The following SNW1 variants were observed in gnomAD, a reference collection of about 807,000 sequenced individuals.
SNW1 encodes SNW domain containing 1.
A neutral mutation model predicts 75.6 loss-of-function variants in SNW1; 9 were observed. The ratio of observed to expected loss-of-function variants is 0.12; its 90% CI spans 0.07 to 0.21. The LOEUF is 0.21. Ranked by LOEUF, SNW1 falls within the 10% of genes least tolerant of loss-of-function variation. The probability of loss-of-function intolerance (pLI) is 1.00; values close to 1 mark genes in which losing one functional copy is unlikely to be tolerated. For synonymous variants in SNW1, 200 were observed against 219.1 expected (o/e 0.91, Z 0.77); for missense variants, 409 against 670.9 (o/e 0.61, Z 4.31).
intron 11 of SNW1, among the ~76,000 whole-genome samples, chr14:77,721,357 T>C (rs766984198): frequency 1.2e-4 from 18 of 152,242 alleles, no homozygotes; most frequent in Non-Finnish European, 2.2e-4. Context: ...GCATTATATA[T>C]GCAACCTACA....
intron 10 of SNW1, among the ~76,000 whole-genome samples, chr14:77,730,109 CCCAGAAAT>C (rs2139902069): frequency 6.6e-6 from 1 of 152,272 alleles, no homozygotes; most frequent in South Asian, 2.1e-4. Flanking sequence ...ATGCTCTTCC[CCCAGAAAT>C]CCACATGGTT....
At position 77,717,649 on chromosome 14, in the gene SNW1, T is replaced by G; in HGVS notation, c.*439A>C. ...ACAAATAGTTGCACCAAGCAAGAGG[T>G]TACTTTGCCCACTCCAAATTAAAAC... On this transcript the variant is annotated 3_prime_UTR_variant, in exon 14 of 14. Transcript: ENST00000261531. 7.5e-7 allele frequency: 1 copy of G among 1,325,092 alleles called. No individual in the cohort carries two copies. Among genetic ancestry groups the G allele is most frequent in the African/African-American group, 1.5e-5 (1 of 68,278 alleles). 82.1% of individuals were successfully genotyped at this position (1,325,092 alleles called of 1,614,324 possible). A position where few individuals can be genotyped will look rare whatever the true frequency, so the allele number is the denominator to read the frequency against.
chr14:77,755,619 A>G (rs1243459787), intron 1 of SNW1, among the ~76,000 whole-genome samples: 1 of 151,998 alleles, frequency 6.6e-6, no homozygotes, highest in Non-Finnish European at 1.5e-5. Context: ...GGGTTTCACC[A>G]TGTTGGCCAG....
chr14:77,734,874 G>T, intron 8 of SNW1, 73 bp downstream of exon 8: 1 of 965,906 alleles, frequency 1.0e-6, no homozygotes, highest in Non-Finnish European at 1.6e-6. Flanking sequence ...CTACAGTTAT[G>T]CAGGCTGTAG....
intron 10 of SNW1, among the ~76,000 whole-genome samples, chr14:77,727,903 T>G (rs551087434): frequency 6.6e-6 from 1 of 152,200 alleles, no homozygotes; most frequent in East Asian, 1.9e-4. Context: ...AATGACCTTG[T>G]AGAATGAATT....
In SNW1 at chr14:77,729,196, A is replaced by G. The variant is rs144041375; in HGVS notation, c.1033+1792T>C. 2.0e-5 allele frequency among the ~76,000 whole-genome samples: 3 copies of G among 152,246 alleles called. No homozygotes were observed. The East Asian group carries it at 5.8e-4, about 29-fold the overall frequency. On this transcript the variant is annotated intron_variant, in intron 10 of 13. Transcript: ENST00000261531. ...TATCCTTAACTATAATAAATTCTTC[A>G]TCTTTCCCTCCCAAACCTGTTCCTC...
At chr14:77,748,470 A>G (rs891520038) in intron 3 of SNW1, among the ~76,000 whole-genome samples, 2 of 152,130 alleles carry the variant, frequency 1.3e-5, no homozygotes, top group African/African-American at 4.8e-5. Context: ...GGAATTATAT[A>G]TATCACTGTA....
chr14:77,725,297 G>A (rs958341430), intron 10 of SNW1, among the ~76,000 whole-genome samples: 6 of 152,178 alleles, frequency 3.9e-5, no homozygotes, highest in African/African-American at 1.4e-4. Context: ...GGCCTCTTCA[G>A]TCTGTTGACT....
At chr14:77,720,680 C>G in intron 12 of SNW1, 31 bp downstream of exon 12, 1 of 1,377,812 alleles carries the variant, frequency 7.3e-7, no homozygotes, top group South Asian at 1.2e-5. Flanking sequence ...TTCACATCAA[C>G]ACACACAATA....
intron 3 of SNW1, among the ~76,000 whole-genome samples, chr14:77,749,240 GA>G (rs1465445951): frequency 2.0e-5 from 3 of 151,982 alleles, no homozygotes; most frequent in African/African-American, 4.8e-5. Context: ...ATGATTAAAA[GA>G]AAAAAATATA....
At chr14:77,744,446 C>CAAAAAAAAAAAAAAAAAACAGAAAAAAAA (rs2080743399) in intron 3 of SNW1, among the ~76,000 whole-genome samples, 1 of 82,964 alleles carries the variant, frequency 1.2e-5, no homozygotes, top group Non-Finnish European at 2.2e-5. Context: ...GTCTCCATCT[C>CAAAAAAAAAAAAAAAAAACAGAAAAAAAA]AAAAAAAAAA....
intron 3 of SNW1, among the ~76,000 whole-genome samples, chr14:77,746,546 G>T (rs2080761689): frequency 6.6e-6 from 1 of 152,220 alleles, no homozygotes; most frequent in Non-Finnish European, 1.5e-5. Context: ...CTTTGAGCCA[G>T]TAAGTCCACA....
At chr14:77,749,098 G>A (rs990145388) in intron 3 of SNW1, among the ~76,000 whole-genome samples, 1 of 152,146 alleles carries the variant, frequency 6.6e-6, no homozygotes, top group African/African-American at 2.4e-5. Context: ...TAGACAGTAA[G>A]ATATAAGGAC....
chr14:77,724,645 C>T (rs1239996560), intron 10 of SNW1, among the ~76,000 whole-genome samples: 1 of 152,196 alleles, frequency 6.6e-6, no homozygotes, highest in Non-Finnish European at 1.5e-5. Flanking sequence ...CACTTAATAA[C>T]CTTCAGTTCC....
At chr14:77,751,805 GACACACACACACACACACACACACAC>G (rs61135876) in intron 2 of SNW1, among the ~76,000 whole-genome samples, 4 of 139,458 alleles carry the variant, frequency 2.9e-5, no homozygotes, top group African/African-American at 1.1e-4. Context: ...GTCATGGGAA[GACACACACACACACACACACACACAC>G]ACACACACAC....
Position 77,723,401 on chromosome 14 carries a change from G to T in SNW1, c.1034-124C>A, listed in dbSNP as rs938696323. 5.6e-6 allele frequency: 4 copies of T among 709,128 alleles called. No individual in the cohort carries two copies. In the Admixed American group the frequency reaches 6.5e-5, roughly 11 times the overall value. The allele number at this position is 709,128 out of a possible 1,614,324, so 43.9% of individuals were successfully genotyped here. A position where few individuals can be genotyped will look rare whatever the true frequency, so the allele number is the denominator to read the frequency against. On this transcript the variant is annotated intron_variant, in intron 10 of 13. Coordinates refer to ENST00000261531, the MANE Select transcript of SNW1 (RefSeq NM_012245.3). ...ATCTCACTCTGTCACCCAGGCTGGA[G>T]TGTAGTAGCATGAACATGGTTCACT...
At chr14:77,751,840 ACACAC>A (rs1028597181) in intron 2 of SNW1, among the ~76,000 whole-genome samples, 1,537 of 122,954 alleles carry the variant, frequency 0.013, 24 homozygotes, top group African/African-American at 0.043. Flanking sequence ...ACACACACAC[ACACAC>A]CACACACACA....
intron 6 of SNW1, 40 bp from the exon 7 acceptor site, chr14:77,736,046 C>T: frequency 6.8e-7 from 1 of 1,479,692 alleles, no homozygotes; most frequent in Middle Eastern, 1.7e-4. Flanking sequence ...ATATAGTTTC[C>T]TCCCTTTTAG....
intron 6 of SNW1, among the ~76,000 whole-genome samples, chr14:77,736,549 A>AAAAAAC (rs35573525): frequency 0.15 from 9,285 of 63,826 alleles, 359 homozygotes; most frequent in Non-Finnish European, 0.2. Flanking sequence ...ACTGTCTCTC[A>AAAAAAC]AAAAACAAAA....
Sources: allele counts gnomAD v4.1 joint callset (sites outside exome capture counted in the v4.1 genomes callset), GRCh38; gene constraint gnomAD v4.1.1; transcripts MANE v1.5; gene names NCBI Gene and HGNC (gene_info 2026-07-23, HGNC 2026-07-21).